The following FSCN3 variants were observed in gnomAD, a reference collection of about 807,000 sequenced individuals.
FSCN3 encodes the protein fascin-3.
A neutral mutation model predicts 53.5 loss-of-function variants in FSCN3; 43 were observed. That is an observed-to-expected ratio of 0.80 (90% CI 0.63 to 1.04). The LOEUF is 1.04. FSCN3 is among the 50% of genes least tolerant of loss of function. FSCN3 has a pLI of 0.00. For synonymous variants in FSCN3, 235 were observed against 246.6 expected (o/e 0.95, Z 0.44); for missense variants, 594 against 646.5 (o/e 0.92, Z 0.88).
At position 127,595,714 on chromosome 7, in the gene FSCN3, C is replaced by T; in HGVS notation, c.552C>T (p.Phe184=). The stretch of plus-strand genomic sequence containing the variant: ...AGGAGTGTGGCTTCCTGTTGCATTT[C>T]CGAGATGGATGCTACCACCTGGAGA... ...CLEECGFLLH[F]RDGCYHLETS... The change falls in exon 2 of 7, where the codon TTC becomes TTT. Residue 184 remains phenylalanine, a synonymous_variant. Coordinates refer to ENST00000265825, the MANE Select transcript of FSCN3 (RefSeq NM_020369.3). The T allele has an allele frequency of 2.5e-6, 4 of 1,613,870 alleles. No individual in the cohort carries two copies. Among genetic ancestry groups the T allele is most frequent in the South Asian group, 2.2e-5 (2 of 91,070 alleles).
At chr7:127,594,275 TGTGTGC>T (rs58662780) in intron 1 of FSCN3, among the ~76,000 whole-genome samples, 8,721 of 116,614 alleles carry the variant, frequency 0.075, 955 homozygotes, top group African/African-American at 0.25. Flanking sequence ...TGTGTGTGTG[TGTGTGC>T]GCACTTGCCT....
At chr7:127,601,585 T>A (rs3735639) in intron 6 of FSCN3, 38 bp from the exon 7 acceptor site, 1 of 152,226 alleles carries the variant, frequency 6.6e-6, no homozygotes, top group Non-Finnish European at 1.5e-5. Context: ...ATGACTGACT[T>A]GATTGCTGAC....
rs755507856 is a variant in FSCN3, at chr7:127,596,328, AT to A, written c.843del (p.Asp281GlufsTer11). On this transcript the variant is annotated frameshift_variant and splice_region_variant, in exon 3 of 7. Transcript: ENST00000265825. LOFTEE classifies it high-confidence loss of function. ...TTACTGACATGCGCTTCCTCTGCAG[AT>A]GGTGAGGTGCGTGCTGCTTCTGAGC... ...KTGRFISVIY[D>X]GEVRAASERL... 7 of 1,602,820 alleles carry A rather than the reference AT, an allele frequency of 4.4e-6. No individual in the cohort carries two copies. The highest frequency in any genetic ancestry group is 6.0e-6 in the Non-Finnish European group (7 of 1,169,862).
chr7:127,599,058 C>T (rs760650263), intron 4 of FSCN3, among the ~76,000 whole-genome samples: 1 of 152,080 alleles, frequency 6.6e-6, no homozygotes, highest in East Asian at 1.9e-4. Context: ...AAAGCACCTC[C>T]TTGAGCCTCA....
intron 6 of FSCN3, 105 bp from the exon 7 acceptor site, chr7:127,601,518 A>G (rs1333268518): frequency 1.3e-5 from 2 of 152,218 alleles, no homozygotes; most frequent in South Asian, 2.1e-4. Flanking sequence ...ATAAATCACT[A>G]TATTCTTTTT....
Position 127,594,160 on chromosome 7 carries a change from CTGTG to C in FSCN3, c.144+197_144+200del, listed in dbSNP as rs749215425. 7.0e-3 allele frequency among the ~76,000 whole-genome samples: 622 copies of C among 89,198 alleles called. 2 individuals carry two copies. Among genetic ancestry groups the C allele is most frequent in the African/African-American group, 0.017 (379 of 21,838 alleles). The allele number at this position is 89,198 out of a possible 152,430, so 58.5% of individuals were successfully genotyped here. On this transcript the variant is annotated intron_variant, in intron 1 of 6. Coordinates refer to ENST00000265825, the MANE Select transcript of FSCN3 (RefSeq NM_020369.3). ...GGAACCGGTTTTCTGAGTGGCCAAG[CTGTG>C]TGTGTGTGTGTGTGTGTGTGTGTGT...
chr7:127,600,532 A>G (rs540487214), intron 6 of FSCN3, 133 bp downstream of exon 6: 1 of 618,076 alleles, frequency 1.6e-6, no homozygotes, highest in South Asian at 1.9e-5. Flanking sequence ...CCATAATTTG[A>G]TCAACTCCAG....
chr7:127,599,423 T>G lies in FSCN3; in HGVS notation c.1163T>G (p.Phe388Cys). ...GGGATTTTATTTGCCAATCGCTCCTTCCTTGTATTGCGAGGTCGTTATGGC... is the reference window on the plus strand; with the variant it reads ...GGGATTTTATTTGCCAATCGCTCCTGCCTTGTATTGCGAGGTCGTTATGGC... ...EFGILFANRS[F>C]LVLRGRYGYV... is the part of the protein sequence containing the mutation. Residue 388 changes from phenylalanine (F) to cysteine (C), a missense_variant, in exon 5 of 7, where the codon TTC becomes TGC. By Grantham distance (205) the Phe-to-Cys change is radical (BLOSUM62 -2). Coordinates refer to ENST00000265825, the MANE Select transcript of FSCN3 (RefSeq NM_020369.3). The G allele has an allele frequency of 6.2e-7, 1 of 1,614,072 alleles. No homozygotes were observed. Among genetic ancestry groups the G allele is most frequent in the Non-Finnish European group, 8.5e-7 (1 of 1,179,952 alleles).
Position 127,595,387 on chromosome 7 carries a change from G to A in FSCN3, c.225G>A (p.Leu75=), listed in dbSNP as rs1385503767. Residue 75 remains leucine (L), a synonymous_variant, in exon 2 of 7, where the codon CTG becomes CTA. Transcript: ENST00000265825. ...AGAGCGTGCAGGGCCTCTACCTGCTGTGTGAGTGTGATGGCACCGTGTGTT... is the reference window on the plus strand; with the variant it reads ...AGAGCGTGCAGGGCCTCTACCTGCTATGTGAGTGTGATGGCACCGTGTGTT... ...RLKSVQGLYL[L]CECDGTVCYG... The A allele has an allele frequency of 1.9e-6, 3 of 1,614,216 alleles. No individual in the cohort carries two copies. Among genetic ancestry groups the A allele is most frequent in the South Asian group, 2.2e-5 (2 of 91,088 alleles).
chr7:127,600,662 G>A (rs1021397403), intron 6 of FSCN3, among the ~76,000 whole-genome samples: 1 of 152,192 alleles, frequency 6.6e-6, no homozygotes, highest in Non-Finnish European at 1.5e-5. Context: ...CACGCTTGGA[G>A]GGGACAGGGT....
Position 127,600,317 on chromosome 7 carries a change from G to A in FSCN3, c.1415G>A (p.Gly472Asp), listed in dbSNP as rs1479151374. 1.2e-6 allele frequency: 2 copies of A among 1,612,784 alleles called. No homozygotes were observed. The highest frequency in any genetic ancestry group is 1.7e-6 in the Non-Finnish European group (2 of 1,178,832). ...TTACTCACTGTACTGGCCCCCAATG[G>A]CTTCTACATGCGAGCCGACCAAAGT... ...SNLLTVLAPN[G>D]FYMRADQSGT... Residue 472 changes from glycine to aspartate, a missense_variant, in exon 6 of 7, where the codon GGC (glycine) becomes GAC (aspartate). By Grantham distance (94) the Gly-to-Asp change is moderately conservative. Transcript: ENST00000265825.
Position 127,601,692 on chromosome 7 carries a change from C to T in FSCN3, c.*70C>T, listed in dbSNP as rs1587544117. On this transcript the variant is annotated 3_prime_UTR_variant, in exon 7 of 7. Transcript: ENST00000265825. ...ACTACTACACTAAATGGACCAGGAACCTCAGAGTCAAGATCCAAGAGAAGA... is the reference window on the plus strand; with the variant it reads ...ACTACTACACTAAATGGACCAGGAATCTCAGAGTCAAGATCCAAGAGAAGA... 1 of 152,202 alleles carries T rather than the reference C, an allele frequency of 6.6e-6. No individual in the cohort carries two copies. Among genetic ancestry groups the T allele is most frequent in the Non-Finnish European group, 1.5e-5 (1 of 68,050 alleles). The allele number at this position is 152,202 out of a possible 1,614,324, so 9.4% of individuals were successfully genotyped here. A position where few individuals can be genotyped will look rare whatever the true frequency, so the allele number is the denominator to read the frequency against.
chr7:127,594,062 G>A lies in FSCN3; in HGVS notation c.144+65G>A, dbSNP rs146439429. ...GGCCAAGCTGTGTGTGTGTGTGTGC[G>A]CGCGCGCGTGTGTGTGCGTGAGTGT... On this transcript the variant is annotated intron_variant, in intron 1 of 6. Coordinates refer to ENST00000265825, the MANE Select transcript of FSCN3 (RefSeq NM_020369.3). 304 of 1,558,492 alleles carry A rather than the reference G, an allele frequency of 2.0e-4. 1 individual carries two copies. In the African/African-American group the frequency reaches 2.9e-3, roughly 15 times the overall value.
At chr7:127,596,270 C>T in intron 2 of FSCN3, 58 bp from the exon 3 acceptor site, 1 of 1,544,188 alleles carries the variant, frequency 6.5e-7, no homozygotes, top group South Asian at 1.1e-5. Flanking sequence ...GGTCATAAAA[C>T]ATGGAGGAGG....
chr7:127,595,540 T>C lies in FSCN3; in HGVS notation c.378T>C (p.Thr126=), dbSNP rs149167441. Residue 126 remains threonine, a synonymous_variant, in exon 2 of 7, where the codon ACT becomes ACC. Coordinates refer to ENST00000265825, the MANE Select transcript of FSCN3 (RefSeq NM_020369.3). ...LESNGKDVFC[T]SHVLSAYHMW... ...CCAATGGCAAGGACGTGTTTTGCAC[T>C]TCCCACGTCCTCTCAGCTTACCACA... The C allele has an allele frequency of 4.0e-5, 64 of 1,613,868 alleles. No homozygotes were observed. Among genetic ancestry groups the C allele is most frequent in the Non-Finnish European group, 1.7e-6 (2 of 1,179,832 alleles).
Position 127,600,344 on chromosome 7 carries a change from G to A in FSCN3, c.1442G>A (p.Gly481Asp). ...NGFYMRADQS[G>D]TLLADSEDIT... ...TTCTACATGCGAGCCGACCAAAGTG[G>A]CACCCTGTTGGCAGACAGTGAAGAC... is the stretch of plus-strand genomic sequence containing the variant. The change falls in exon 6 of 7, where the codon GGC becomes GAC. Residue 481 changes from glycine (G) to aspartate (D), a missense_variant. Coordinates refer to ENST00000265825, the MANE Select transcript of FSCN3 (RefSeq NM_020369.3). 1.9e-6 allele frequency: 3 copies of A among 1,613,650 alleles called. No homozygotes were observed. The South Asian group carries it at 3.3e-5, about 18-fold the overall frequency.
intron 6 of FSCN3, among the ~76,000 whole-genome samples, chr7:127,600,684 G>A (rs1216875225): frequency 6.6e-6 from 1 of 152,160 alleles, no homozygotes; most frequent in African/African-American, 2.4e-5. Context: ...AGGTGTTCTT[G>A]TACATTTCTA....
chr7:127,597,704 T>G (rs1289648868), intron 3 of FSCN3, among the ~76,000 whole-genome samples: 2 of 152,182 alleles, frequency 1.3e-5, no homozygotes. Context: ...GGTCTCGAAC[T>G]CCTGACCCCA....
intron 5 of FSCN3, 92 bp from the exon 6 acceptor site, chr7:127,600,101 AG>A (rs1794450732): frequency 2.8e-6 from 2 of 725,438 alleles, no homozygotes; most frequent in South Asian, 3.1e-5. Flanking sequence ...CAGCTAGGGG[AG>A]GGTGGCATGC....
Sources: gnomAD v4.1 joint callset for allele counts (sites outside exome capture counted in the v4.1 genomes callset) on GRCh38, gnomAD v4.1.1 for gene constraint, MANE v1.5 for transcripts, NCBI Gene and HGNC (gene_info 2026-07-23, HGNC 2026-07-21) for gene names.